The following MADD variants were observed in gnomAD, a reference collection of about 807,000 sequenced individuals.
MADD encodes the protein MAP kinase activating death domain.
Under a neutral mutation model 176.7 loss-of-function variants are expected in MADD, and 109 were observed. The observed-to-expected ratio is 0.62, with a 90% CI of 0.53 to 0.72. The LOEUF (loss-of-function observed/expected upper bound fraction) is 0.72, where lower values mean the gene tolerates loss of function less well. MADD is among the 30% of genes least tolerant of loss of function. MADD has a pLI of 0.00. For synonymous variants in MADD, 771 were observed against 771.3 expected, an observed-to-expected ratio of 1.00 and a Z score of 0.01; for missense variants, 1,914 against 2,045.5, an observed-to-expected ratio of 0.94 and a Z score of 1.24.
intron 2 of MADD, 86 bp downstream of exon 2, chr11:47,274,062 C>G (rs1359506325): frequency 1.6e-6 from 2 of 1,224,438 alleles, no homozygotes; most frequent in Non-Finnish European, 1.2e-6. Context: ...TTCCATGTTG[C>G]TTTGCATAGC....
In MADD at chr11:47,290,312, C is replaced by G; in HGVS notation, c.3094+13C>G. The G allele has an allele frequency of 1.2e-6, 2 of 1,611,746 alleles. No individual in the cohort carries two copies. Among genetic ancestry groups the G allele is most frequent in the Non-Finnish European group, 1.7e-6 (2 of 1,178,232 alleles). ...TACTATAGTAAAGGTAGGGATCGTACTTGCTGGGCACCACGCCATCCCTAA... is the reference window on the plus strand; with the variant it reads ...TACTATAGTAAAGGTAGGGATCGTAGTTGCTGGGCACCACGCCATCCCTAA... On this transcript the variant is annotated intron_variant, in intron 18 of 32. Transcript: ENST00000402192.
chr11:47,313,690 A>G (rs532786114), intron 26 of MADD, among the ~76,000 whole-genome samples: 9 of 152,172 alleles, frequency 5.9e-5, no homozygotes, highest in Non-Finnish European at 1.0e-4. Context: ...AATGCAAGGC[A>G]GAGATATGGA....
At chr11:47,289,752 T>C in intron 16 of MADD, 115 bp from the exon 18 acceptor site, 1 of 1,225,434 alleles carries the variant, frequency 8.2e-7, no homozygotes, top group Admixed American at 2.1e-5. Context: ...ACTTGGACAT[T>C]CAGAGACATG....
chr11:47,283,385 G>T (rs939224641), intron 10 of MADD, among the ~76,000 whole-genome samples: 1 of 151,296 alleles, frequency 6.6e-6, no homozygotes, highest in South Asian at 2.1e-4. Flanking sequence ...GAGCCACCGC[G>T]CCCGGCCTTA....
At chr11:47,270,566 G>A (rs1042147934) in intron 1 of MADD, 4 of 152,190 alleles carry the variant, frequency 2.6e-5, no homozygotes, top group African/African-American at 9.7e-5. Flanking sequence ...GCCAGCCCTG[G>A]GGCCGAACCC....
chr11:47,288,110 C>T (rs1324906885), intron 15 of MADD, among the ~76,000 whole-genome samples: 2 of 152,178 alleles, frequency 1.3e-5, no homozygotes, highest in Admixed American at 6.5e-5. Context: ...CTTTAACTGA[C>T]CTCTCATTCC....
At chr11:47,293,304 CT>C (rs796151719) in intron 19 of MADD, among the ~76,000 whole-genome samples, 382 of 138,798 alleles carry the variant, frequency 2.8e-3, no homozygotes, top group Non-Finnish European at 2.2e-3. Flanking sequence ...TGGAGCTTTT[CT>C]TTTTTTTTTT....
At chr11:47,284,753 G>T (rs1329592996) in intron 12 of MADD, among the ~76,000 whole-genome samples, 188 bp downstream of exon 12, 1 of 152,158 alleles carries the variant, frequency 6.6e-6, no homozygotes, top group African/African-American at 2.4e-5. Context: ...ATCAGGCTTT[G>T]TTCAGGGTAC....
intron 10 of MADD, among the ~76,000 whole-genome samples, chr11:47,283,854 C>G (rs887954984): frequency 2.6e-5 from 4 of 152,034 alleles, no homozygotes; most frequent in East Asian, 1.9e-4. Context: ...ATTACAGGCG[C>G]GAGCCACTGC....
At chr11:47,279,167 A>G (rs1035934571) in intron 7 of MADD, 88 bp downstream of exon 7, 4 of 1,278,294 alleles carry the variant, frequency 3.1e-6, no homozygotes, top group Non-Finnish European at 2.2e-6. Flanking sequence ...CCAATTTCCT[A>G]TCAAACTTCA....
chr11:47,290,508 C>A, intron 18 of MADD, 102 bp from the exon 20 acceptor site: 1 of 1,324,264 alleles, frequency 7.6e-7, no homozygotes, highest in Non-Finnish European at 1.0e-6. Context: ...CCTTGAACTT[C>A]TTCCATTCCG....
intron 9 of MADD, 79 bp from the exon 10 acceptor site, chr11:47,282,734 T>C: frequency 6.3e-7 from 1 of 1,596,634 alleles, no homozygotes; most frequent in Non-Finnish European, 8.6e-7. Context: ...GCTTTAGACT[T>C]TTTCCTGCCT....
rs2067920275 is a variant in MADD at position 47,294,048 on chromosome 11, T to A, written c.3402+65T>A. On this transcript the variant is annotated intron_variant, in intron 20 of 32. Coordinates refer to ENST00000402192, the Ensembl canonical transcript of MADD. ...TGCTGTCTCAGAATACTTCTTTAAG[T>A]TAAAATAGAACAGTCAGACAGCCGG... 1.2e-5 allele frequency: 16 copies of A among 1,327,202 alleles called. No homozygotes were observed. The South Asian group carries it at 1.8e-4, about 15-fold the overall frequency. The allele number at this position is 1,327,202 out of a possible 1,614,324, so 82.2% of individuals were successfully genotyped here. A position where few individuals can be genotyped will look rare whatever the true frequency, so the allele number is the denominator to read the frequency against.
In MADD at chr11:47,285,202, C is replaced by A. The variant is rs1299551320; in HGVS notation, c.2411+8C>A. 1 of 1,612,488 alleles carries A rather than the reference C, an allele frequency of 6.2e-7. No individual in the cohort carries two copies. The highest frequency in any genetic ancestry group is 2.2e-5 in the East Asian group (1 of 44,866). ...ACATGTCAGTGGCAATCGGTGAGAG[C>A]CTGGGCATCCCTTCTAGATGGGTGA... On this transcript the variant is annotated splice_region_variant and intron_variant, in intron 13 of 32. Coordinates refer to ENST00000402192, the Ensembl canonical transcript of MADD.
At chr11:47,276,197 C>G (rs1010252590) in exon 4 of MADD, 1 of 1,604,118 alleles carries the variant, frequency 6.2e-7, no homozygotes, top group Non-Finnish European at 8.5e-7. Context: ...TCTGTTAGAG[C>G]ACAAGGTGAG....
chr11:47,298,198 T>G (rs2074662552), intron 22 of MADD, among the ~76,000 whole-genome samples: 1 of 152,266 alleles, frequency 6.6e-6, no homozygotes. Context: ...TAGATGCTTT[T>G]CAAACCAATA....
chr11:47,278,927 TTTTA>T, intron 6 of MADD, 68 bp from the exon 7 acceptor site: 1 of 1,305,970 alleles, frequency 7.7e-7, no homozygotes, highest in Non-Finnish European at 1.1e-6. Context: ...GTCCTCTTAT[TTTTA>T]TTTATGTAAG....
At chr11:47,329,880 C>T (rs2095829556) in exon 33 of MADD, 1 of 152,692 alleles carries the variant, frequency 6.5e-6, no homozygotes, top group Admixed American at 6.5e-5. Context: ...TGGGTTTGCA[C>T]ATCTGTCTGC....
chr11:47,328,630 G>A, intron 31 of MADD, 28 bp from the exon 36 acceptor site: 8 of 1,614,170 alleles, frequency 5.0e-6, no homozygotes, highest in Non-Finnish European at 6.8e-6. Context: ...TGAACTTTCT[G>A]TTTTGTCTCT....
Sources: gnomAD v4.1 joint callset for allele counts (sites outside exome capture counted in the v4.1 genomes callset) on GRCh38, gnomAD v4.1.1 for gene constraint, MANE v1.5 for transcripts, NCBI Gene and HGNC (gene_info 2026-07-23, HGNC 2026-07-21) for gene names.